Variants in PLEKHG4B observed in about 807,000 individuals in gnomAD.
The protein encoded by PLEKHG4B is pleckstrin homology and RhoGEF domain containing G4B.
A neutral mutation model predicts 121.3 loss-of-function variants in PLEKHG4B; 111 were observed. The observed-to-expected ratio is 0.92, with a 90% CI of 0.78 to 1.07. The LOEUF is 1.07. PLEKHG4B is among the 50% of genes least tolerant of loss of function. The probability of loss-of-function intolerance (pLI) is 0.00; values close to 1 mark genes in which losing one functional copy is unlikely to be tolerated. For missense variants in PLEKHG4B, 1,831 were observed against 1,757.8 expected, an observed-to-expected ratio of 1.04 and a Z score of -0.74; for synonymous variants, 738 against 725.0, an observed-to-expected ratio of 1.02 and a Z score of -0.29.
chr5:145,481 C>T (rs1735377066), intron 6 of PLEKHG4B, among the ~76,000 whole-genome samples: 1 of 152,252 alleles, frequency 6.6e-6, no homozygotes, highest in African/African-American at 2.4e-5. Context: ...CTGCCTCAGC[C>T]TCCAGAGTAG....
chr5:173,103 G>A (rs1276286512), intron 17 of PLEKHG4B, 36 bp downstream of exon 17: 4 of 1,602,210 alleles, frequency 2.5e-6, no homozygotes, highest in Admixed American at 1.7e-5. Flanking sequence ...TGCAGGCCGA[G>A]CCAGGCCCTC....
chr5:131,386 T>G (rs1210646827), intron 2 of PLEKHG4B, among the ~76,000 whole-genome samples: 2 of 152,218 alleles, frequency 1.3e-5, no homozygotes, highest in African/African-American at 4.8e-5. Flanking sequence ...TTGTGATAGT[T>G]TGCTGAAAAT....
At chr5:93,528 G>A (rs1322206062) in intron 1 of PLEKHG4B, among the ~76,000 whole-genome samples, 2 of 152,044 alleles carry the variant, frequency 1.3e-5, no homozygotes, top group African/African-American at 2.4e-5. Flanking sequence ...GAGATACCAG[G>A]TTTTTATTTC....
Position 169,364 on chromosome 5 carries a change from C to G in PLEKHG4B, c.3501C>G (p.Ala1167=). ...GCAGCCGACTGAGGCACATCATGGC[C>G]GAGATGATCGCCACAGAGAGGGAGT... is the stretch of plus-strand genomic sequence containing the variant. ...VGSSRLRHIM[A]EMIATEREYI... Residue 1167 remains alanine (A), a synonymous_variant, in exon 14 of 20, where the codon GCC becomes GCG. Coordinates refer to ENST00000637938, the MANE Select transcript of PLEKHG4B (RefSeq NM_052909.5). The G allele has an allele frequency of 1.2e-6, 2 of 1,614,066 alleles. No homozygotes were observed. Among genetic ancestry groups the G allele is most frequent in the East Asian group, 2.2e-5 (1 of 44,890 alleles).
At chr5:106,929 G>A (rs1248537511) in intron 1 of PLEKHG4B, among the ~76,000 whole-genome samples, 2 of 152,214 alleles carry the variant, frequency 1.3e-5, no homozygotes, top group Non-Finnish European at 2.9e-5. Context: ...CAGGTGTCTA[G>A]GTACTGTATG....
chr5:146,036 C>G (rs981993349), intron 6 of PLEKHG4B, among the ~76,000 whole-genome samples: 9 of 151,838 alleles, frequency 5.9e-5, no homozygotes, highest in Middle Eastern at 3.4e-3. Flanking sequence ...CACTCCCCTT[C>G]CATGGTCCTC....
intron 13 of PLEKHG4B, among the ~76,000 whole-genome samples, chr5:164,624 C>CAG (rs879453570): frequency 0.17 from 21,179 of 125,824 alleles, 5,451 homozygotes; most frequent in South Asian, 0.25. Context: ...AATGCTGTGA[C>CAG]GGAGCGGAGC....
rs138857981 is a variant in PLEKHG4B at position 161,943 on chromosome 5, C to A, written c.2648C>A (p.Thr883Lys). 6.0e-4 allele frequency: 958 copies of A among 1,606,994 alleles called. 7 individuals carry two copies. In the South Asian group the frequency reaches 7.8e-3, roughly 13 times the overall value. Residue 883 changes from threonine (T) to lysine (K), a missense_variant and splice_region_variant, in exon 12 of 20, where the codon ACG (threonine) becomes AAG (lysine). Transcript: ENST00000637938. ...ACCCGCTCGTCCGAGTTGTGCGAGACGGTAAGAGACCCAGTGGGCGTGCGT... is the reference window on the plus strand; with the variant it reads ...ACCCGCTCGTCCGAGTTGTGCGAGAAGGTAAGAGACCCAGTGGGCGTGCGT... Reference protein sequence around the residue: ...RWTRSSELCETVSSWMGPLDP... With the variant: ...RWTRSSELCEKVSSWMGPLDP...
chr5:144,803 G>T lies in PLEKHG4B; in HGVS notation c.1812-24G>T, dbSNP rs1242481052. 1.9e-6 allele frequency: 3 copies of T among 1,600,368 alleles called. No individual in the cohort carries two copies. The Admixed American group carries it at 5.0e-5, about 27-fold the overall frequency. ...AAGAGATTTAACCTTCAGTGGTTAA[G>T]ATGGGCTGTCTTTCCCTCCCCAGGA... On this transcript the variant is annotated intron_variant, in intron 5 of 19. Coordinates refer to ENST00000637938, the MANE Select transcript of PLEKHG4B (RefSeq NM_052909.5).
intron 1 of PLEKHG4B, among the ~76,000 whole-genome samples, chr5:103,423 A>G (rs777042446): frequency 5.9e-5 from 9 of 152,116 alleles, no homozygotes; most frequent in Non-Finnish European, 1.0e-4. Flanking sequence ...CAACCCTGCA[A>G]TGATCAGAGA....
At chr5:105,633 T>C (rs1560897229) in intron 1 of PLEKHG4B, among the ~76,000 whole-genome samples, 1 of 152,232 alleles carries the variant, frequency 6.6e-6, no homozygotes, top group African/African-American at 2.4e-5. Flanking sequence ...CGCTTTTCGT[T>C]TGAAGTTGGT....
chr5:142,915 G>T (rs1017003373), intron 3 of PLEKHG4B, 132 bp from the exon 4 acceptor site: 24 of 865,534 alleles, frequency 2.8e-5, no homozygotes, highest in Admixed American at 1.0e-4. Flanking sequence ...TGTGAACTGG[G>T]ACAAGTTTTC....
chr5:99,966 T>C (rs577901601), intron 1 of PLEKHG4B, among the ~76,000 whole-genome samples: 1 of 152,262 alleles, frequency 6.6e-6, no homozygotes, highest in Non-Finnish European at 1.5e-5. Context: ...CTGTTCTGTG[T>C]CACTTGAGAT....
At chr5:115,173 G>A (rs890452530) in intron 2 of PLEKHG4B, among the ~76,000 whole-genome samples, 1 of 152,226 alleles carries the variant, frequency 6.6e-6, no homozygotes, top group African/African-American at 2.4e-5. Context: ...TACCACAGAT[G>A]GAAACATTTA....
intron 3 of PLEKHG4B, among the ~76,000 whole-genome samples, chr5:142,712 G>T (rs767721400): frequency 1.3e-5 from 2 of 152,052 alleles, no homozygotes; most frequent in Non-Finnish European, 2.9e-5. Flanking sequence ...ACATGCACGC[G>T]CAGTCACACA....
Position 156,775 on chromosome 5 carries a change from A to G in PLEKHG4B, c.2351A>G (p.Asp784Gly). ...GAGGACTGCCTTCTCTTCCTCAGGG[A>G]CACCCTGGAGGCCGCCACAAGCCTG... is the stretch of plus-strand genomic sequence containing the variant. ...REELGTEDSR[D>G]TLEAATSLYD... Residue 784 changes from aspartate to glycine, a missense_variant and splice_region_variant, in exon 11 of 20, where the codon GAC becomes GGC. Asp to Gly is a moderately conservative substitution (Grantham distance 94). Transcript: ENST00000637938. This position sits in a 1 kb window ranked among gnomAD's most constrained non-coding sequence, Gnocchi z 4.4. The G allele has an allele frequency of 6.4e-7, 1 of 1,551,586 alleles. No individual in the cohort carries two copies.
At chr5:98,333 A>T (rs1273168811) in intron 1 of PLEKHG4B, among the ~76,000 whole-genome samples, 1 of 148,898 alleles carries the variant, frequency 6.7e-6, no homozygotes, top group Non-Finnish European at 1.5e-5. Context: ...ATTTTCAGCC[A>T]GGGTCTTTGA....
intron 2 of PLEKHG4B, among the ~76,000 whole-genome samples, chr5:120,020 G>A (rs1426260482): frequency 6.6e-6 from 1 of 152,172 alleles, no homozygotes; most frequent in East Asian, 1.9e-4. Flanking sequence ...GGCTGTGGGG[G>A]AGAATCGCTT....
At position 140,598 on chromosome 5, in the gene PLEKHG4B, A is replaced by C. The variant is rs926167037; in HGVS notation, c.1359A>C (p.Ala453=). The C allele has an allele frequency of 9.9e-6, 16 of 1,610,492 alleles. No individual in the cohort carries two copies. The highest frequency in any genetic ancestry group is 1.4e-5 in the Non-Finnish European group (16 of 1,178,856). ...GAAGCTCCAGAGGGGCCCAGGCTGC[A>C]GCCTGCCACACCTCCCACCACTCAG... ...APRSSRGAQA[A]ACHTSHHSAG... is the part of the protein sequence containing the mutation. The change falls in exon 3 of 20, where the codon GCA becomes GCC. Residue 453 remains alanine, a synonymous_variant. Coordinates refer to ENST00000637938, the MANE Select transcript of PLEKHG4B (RefSeq NM_052909.5).
Sources: gnomAD v4.1 joint callset for allele counts (sites outside exome capture counted in the v4.1 genomes callset) on GRCh38, gnomAD v4.1.1 for gene constraint, Gnocchi (gnomAD v3.1) non-coding constraint, MANE v1.5 for transcripts, NCBI Gene and HGNC (gene_info 2026-07-23, HGNC 2026-07-21) for gene names.